CD84: variants seen among roughly 807,000 people sequenced by gnomAD.
CD84 encodes CD84 molecule, also known as SLAM family member 5.
In CD84, 22 loss-of-function variants were observed where a neutral mutation model predicts 33.8. That is an observed-to-expected ratio of 0.65 (90% CI 0.46 to 0.93). CD84 has a LOEUF of 0.93. Ranked by LOEUF, CD84 falls within the 40% of genes least tolerant of loss-of-function variation. CD84 has a pLI of 0.00. For missense variants in CD84, 400 were observed against 397.6 expected (o/e 1.01, Z -0.05); for synonymous variants, 154 against 145.2 (o/e 1.06, Z -0.44).
chr1:160,552,365 C>T (rs138328593), intron 4 of CD84, among the ~76,000 whole-genome samples: 54 of 152,282 alleles, frequency 3.5e-4, no homozygotes, highest in African/African-American at 1.2e-3. Flanking sequence ...CCCTAGAATG[C>T]CTCCTCCGTA....
intron 2 of CD84, among the ~76,000 whole-genome samples, chr1:160,561,750 A>G (rs1032450373): frequency 1.3e-5 from 2 of 152,180 alleles, no homozygotes; most frequent in South Asian, 4.1e-4. Flanking sequence ...ACATGATCCT[A>G]TATCTAGAAA....
At chr1:160,552,237 G>T (rs1252496820) in intron 4 of CD84, among the ~76,000 whole-genome samples, 1 of 152,146 alleles carries the variant, frequency 6.6e-6, no homozygotes. Context: ...GAGTCAGCGA[G>T]GGATTGAAGA....
In CD84 at chr1:160,553,493, G is replaced by A. The variant is rs368931230; in HGVS notation, c.645C>T (p.Ile215=). ...SISARQLCAD[I]AMGFRTHHTG... ...TGTGGTGAGTACGGAAGCCCATTGC[G>A]ATGTCTGGAAATAGAAGATGCAGTG... Residue 215 remains isoleucine (I), a synonymous_variant, in exon 4 of 7, where the codon ATC becomes ATT. Transcript: ENST00000368054. 1.7e-5 allele frequency: 27 copies of A among 1,613,992 alleles called. No homozygotes were observed. The highest frequency in any genetic ancestry group is 1.4e-4 in the South Asian group (13 of 91,084).
chr1:160,553,619 C>T (rs941195180), intron 3 of CD84, 122 bp from the exon 4 acceptor site: 16 of 1,195,572 alleles, frequency 1.3e-5, no homozygotes, highest in Non-Finnish European at 1.8e-5. Context: ...TGCCAAAGCT[C>T]CTAGGGAAAC....
chr1:160,550,901 G>A (rs1215309860), intron 5 of CD84, 37 bp downstream of exon 5: 4 of 1,607,466 alleles, frequency 2.5e-6, no homozygotes, highest in Non-Finnish European at 3.4e-6. Context: ...TCATGGAGAT[G>A]GTGGCACAGG....
intron 1 of CD84, 72 bp downstream of exon 1, chr1:160,579,320 A>G (rs1658154711): frequency 1.4e-5 from 23 of 1,603,878 alleles, no homozygotes; most frequent in Non-Finnish European, 2.0e-5. Flanking sequence ...AGACAGTTCA[A>G]TGTCTTCCTT....
intron 1 of CD84, among the ~76,000 whole-genome samples, chr1:160,575,339 G>A (rs932883759): frequency 5.3e-5 from 8 of 152,076 alleles, no homozygotes; most frequent in African/African-American, 1.9e-4. Flanking sequence ...CAGAAATTTT[G>A]TGTCATTCTC....
rs3733265 is a variant in CD84 at position 160,546,850 on chromosome 1, C to G, written c.*1406G>C. On this transcript the variant is annotated 3_prime_UTR_variant, in exon 7 of 7. Coordinates refer to ENST00000368054, the MANE Select transcript of CD84 (RefSeq NM_003874.4). Reference sequence around the variant, plus strand: ...GAGCAGACATTATGCACATCTTCTACTTTGGGGCCTTGCAGCTCCTAACAT... The same window carrying G: ...GAGCAGACATTATGCACATCTTCTAGTTTGGGGCCTTGCAGCTCCTAACAT... The G allele has an allele frequency of 0.26, 87,658 of 332,984 alleles. 12,370 individuals carry two copies. The highest frequency in any genetic ancestry group is 0.32 in the Middle Eastern group (418 of 1,298). 20.6% of individuals were successfully genotyped at this position (332,984 alleles called of 1,614,324 possible).
chr1:160,574,896 T>C (rs1024881719), intron 1 of CD84, among the ~76,000 whole-genome samples: 4 of 152,204 alleles, frequency 2.6e-5, no homozygotes, highest in Non-Finnish European at 5.9e-5. Context: ...CTAGGCACTA[T>C]ATATGTTTGC....
chr1:160,566,604 G>A (rs1657343013), intron 1 of CD84, among the ~76,000 whole-genome samples: 2 of 152,138 alleles, frequency 1.3e-5, no homozygotes, highest in Admixed American at 6.6e-5. Context: ...AGGATACAAC[G>A]GCGAGAAGAA....
At chr1:160,565,811 T>C in intron 1 of CD84, 66 bp from the exon 2 acceptor site, 2 of 1,393,894 alleles carry the variant, frequency 1.4e-6, no homozygotes, top group Non-Finnish European at 1.9e-6. Context: ...CTAATCTTTT[T>C]GGCCTTGGAG....
rs1655669144 is a variant in CD84 at position 160,543,801 on chromosome 1, C to T, written c.*4455G>A. Reference sequence around the variant, plus strand: ...TATACAACATTAATTTTGCATAATACTAGCAGCATTTCTGTTGTAAGAAGC... The same window carrying T: ...TATACAACATTAATTTTGCATAATATTAGCAGCATTTCTGTTGTAAGAAGC... On this transcript the variant is annotated 3_prime_UTR_variant, in exon 7 of 7. Transcript: ENST00000368054. The T allele has an allele frequency of 6.6e-6, 1 of 152,042 alleles. No individual in the cohort carries two copies. Among genetic ancestry groups the T allele is most frequent in the African/African-American group, 2.4e-5 (1 of 41,398 alleles). 9.4% of individuals were successfully genotyped at this position (152,042 alleles called of 1,614,324 possible).
intron 1 of CD84, chr1:160,571,099 T>C (rs1215569325): frequency 6.6e-6 from 1 of 152,082 alleles, no homozygotes; most frequent in Non-Finnish European, 1.5e-5. Context: ...CTTTTTTACA[T>C]GAGCAAGAAA....
intron 1 of CD84, chr1:160,571,489 G>A (rs951204760): frequency 6.6e-6 from 1 of 152,278 alleles, no homozygotes; most frequent in East Asian, 1.9e-4. Flanking sequence ...GATGGCCTTT[G>A]AGAATGTAGT....
chr1:160,570,697 CA>C (rs1230740307), intron 1 of CD84, among the ~76,000 whole-genome samples: 8 of 151,932 alleles, frequency 5.3e-5, no homozygotes, highest in Non-Finnish European at 2.9e-5. Flanking sequence ...CCTGTCTCTA[CA>C]AAAAAGTACA....
At chr1:160,566,681 A>G (rs1209908836) in intron 1 of CD84, among the ~76,000 whole-genome samples, 1 of 152,218 alleles carries the variant, frequency 6.6e-6, no homozygotes, top group Non-Finnish European at 1.5e-5. Context: ...TCAGATAACC[A>G]TAGAAACAAA....
At chr1:160,559,106 C>A (rs927052542) in intron 2 of CD84, among the ~76,000 whole-genome samples, 1 of 152,270 alleles carries the variant, frequency 6.6e-6, no homozygotes, top group Non-Finnish European at 1.5e-5. Flanking sequence ...GACAGGCCAA[C>A]CTTCAGATTC....
At position 160,542,411 on chromosome 1, in the gene CD84, C is replaced by T. The variant is rs1327717761; in HGVS notation, c.*5845G>A. ...AGCAAGTTGGGAGGTCAGAAACAGA[C>T]CTGTGAGTTAGATTTTGGACACGCT... is the stretch of plus-strand genomic sequence containing the variant. On this transcript the variant is annotated 3_prime_UTR_variant, in exon 7 of 7. Transcript: ENST00000368054. The T allele has an allele frequency of 1.3e-5, 2 of 152,072 alleles. No homozygotes were observed. The highest frequency in any genetic ancestry group is 2.9e-5 in the Non-Finnish European group (2 of 68,014). The allele number at this position is 152,072 out of a possible 1,614,324, so 9.4% of individuals were successfully genotyped here. A position where few individuals can be genotyped will look rare whatever the true frequency, so the allele number is the denominator to read the frequency against.
At chr1:160,579,213 C>G (rs80085685) in intron 1 of CD84, among the ~76,000 whole-genome samples, 179 bp downstream of exon 1, 3,671 of 152,172 alleles carry the variant, frequency 0.024, 146 homozygotes, top group African/African-American at 0.085. Flanking sequence ...AACCTAAACA[C>G]TTAGGTTTGA....
Sources: gnomAD v4.1 joint callset for allele counts (sites outside exome capture counted in the v4.1 genomes callset) on GRCh38, gnomAD v4.1.1 for gene constraint, MANE v1.5 for transcripts, NCBI Gene and HGNC (gene_info 2026-07-23, HGNC 2026-07-21) for gene names.